RYR3: variants seen among roughly 807,000 people sequenced by gnomAD.
The protein encoded by RYR3 is ryanodine receptor 3.
Under a neutral mutation model 584.3 loss-of-function variants are expected in RYR3, and 207 were observed. That is an observed-to-expected ratio of 0.35 (90% CI 0.32 to 0.40). The LOEUF (loss-of-function observed/expected upper bound fraction) is 0.40. Among genes scored for constraint, RYR3 ranks in the 10% least tolerant of loss-of-function variants. The probability of loss-of-function intolerance (pLI) is 1.00; values close to 1 mark genes in which losing one functional copy is unlikely to be tolerated. For synonymous variants in RYR3, 2,416 were observed against 2,248.5 expected (o/e 1.07, Z -2.11); for missense variants, 5,616 against 6,089.2 (o/e 0.92, Z 2.59).
At chr15:33,337,362 A>T (rs1045531958) in intron 1 of RYR3, among the ~76,000 whole-genome samples, 4 of 152,310 alleles carry the variant, frequency 2.6e-5, no homozygotes, top group South Asian at 4.1e-4. Flanking sequence ...TTCTCCAGAA[A>T]CACAGAGCCT....
At chr15:33,325,627 T>C (rs894964113) in intron 1 of RYR3, among the ~76,000 whole-genome samples, 1 of 151,988 alleles carries the variant, frequency 6.6e-6, no homozygotes, top group Non-Finnish European at 1.5e-5. Flanking sequence ...TCTTTCCTTT[T>C]CTTTTCTTTT....
intron 94 of RYR3, 124 bp downstream of exon 94, chr15:33,848,545 C>T: frequency 9.0e-7 from 1 of 1,109,578 alleles, no homozygotes. Context: ...GGACTTTTCT[C>T]CCTTGCCTCT....
intron 67 of RYR3, among the ~76,000 whole-genome samples, chr15:33,789,624 T>TTTTATATATATA (rs1258454158): frequency 5.1e-4 from 6 of 11,692 alleles, no homozygotes; most frequent in African/African-American, 1.3e-3. Flanking sequence ...AGGTTTTATT[T>TTTTATATATATA]TATATATATA....
intron 2 of RYR3, among the ~76,000 whole-genome samples, chr15:33,498,497 C>T (rs538110870): frequency 6.6e-6 from 1 of 152,088 alleles, no homozygotes; most frequent in African/African-American, 2.4e-5. Flanking sequence ...TTTATTCAGA[C>T]CATGTGCTCA....
At chr15:33,646,992 G>A (rs918803506) in intron 29 of RYR3, among the ~76,000 whole-genome samples, 1 of 152,174 alleles carries the variant, frequency 6.6e-6, no homozygotes, top group Admixed American at 6.5e-5. Context: ...CATATCCCTT[G>A]CTGTCTTTCT....
intron 1 of RYR3, among the ~76,000 whole-genome samples, chr15:33,381,089 T>G (rs1447208416): frequency 6.6e-6 from 1 of 152,196 alleles, no homozygotes; most frequent in African/African-American, 2.4e-5. Flanking sequence ...ACCTCTACTT[T>G]GAAAGCGTTC....
At chr15:33,502,658 A>T (rs745544769) in intron 2 of RYR3, among the ~76,000 whole-genome samples, 5 of 152,222 alleles carry the variant, frequency 3.3e-5, no homozygotes, top group Non-Finnish European at 7.3e-5. Context: ...ATATTTGAAT[A>T]TTTGCTGATC....
At chr15:33,423,680 G>A (rs887608133) in intron 1 of RYR3, among the ~76,000 whole-genome samples, 6 of 151,720 alleles carry the variant, frequency 4.0e-5, no homozygotes, top group African/African-American at 1.5e-4. Context: ...TATTGTCATA[G>A]CCATCCTAGT....
intron 1 of RYR3, among the ~76,000 whole-genome samples, chr15:33,454,413 T>C (rs2047376059): frequency 6.6e-6 from 1 of 152,182 alleles, no homozygotes; most frequent in Non-Finnish European, 1.5e-5. Context: ...GTGAGTATAT[T>C]GGCGGTAACA....
intron 67 of RYR3, among the ~76,000 whole-genome samples, chr15:33,798,159 G>A (rs2075730537): frequency 6.6e-6 from 1 of 152,052 alleles, no homozygotes; most frequent in African/African-American, 2.4e-5. Flanking sequence ...CAATCTCGGT[G>A]CTCACTGCAA....
chr15:33,529,605 C>T (rs1314569208), intron 3 of RYR3, among the ~76,000 whole-genome samples: 1 of 152,098 alleles, frequency 6.6e-6, no homozygotes. Flanking sequence ...GCTTTAGATT[C>T]TCTTTCTGTG....
At chr15:33,388,583 G>C (rs181729575) in intron 1 of RYR3, among the ~76,000 whole-genome samples, 2 of 152,206 alleles carry the variant, frequency 1.3e-5, no homozygotes, top group Admixed American at 6.5e-5. Context: ...ACAAGGACAA[G>C]TATAAATCCC....
chr15:33,688,658 A>G (rs1176316076), intron 38 of RYR3, among the ~76,000 whole-genome samples: 1 of 152,204 alleles, frequency 6.6e-6, no homozygotes, highest in Non-Finnish European at 1.5e-5. Flanking sequence ...AGAAATGCAA[A>G]TCAAAACCAC....
intron 10 of RYR3, among the ~76,000 whole-genome samples, chr15:33,556,065 T>C (rs1437987317): frequency 6.6e-6 from 1 of 152,194 alleles, no homozygotes; most frequent in African/African-American, 2.4e-5. Context: ...CAGGAGTTTC[T>C]TGAAGGCTCA....
At chr15:33,473,383 C>G in intron 1 of RYR3, 36 bp from the exon 2 acceptor site, 1 of 1,613,058 alleles carries the variant, frequency 6.2e-7, no homozygotes, top group Non-Finnish European at 8.5e-7. Flanking sequence ...TCAGCAGTTC[C>G]CCTTACTCAT....
chr15:33,658,968 G>C (rs547695037), intron 32 of RYR3, among the ~76,000 whole-genome samples: 11 of 152,330 alleles, frequency 7.2e-5, no homozygotes, highest in Non-Finnish European at 1.2e-4. Context: ...GTGTCCTTTT[G>C]TTATTCCAGT....
chr15:33,522,456 TCAATGGCTCAGG>T (rs2054071188), intron 3 of RYR3, among the ~76,000 whole-genome samples: 1 of 152,156 alleles, frequency 6.6e-6, no homozygotes, highest in African/African-American at 2.4e-5. Context: ...TTCCCTGAAG[TCAATGGCTCAGG>T]CACCTCTGAC....
chr15:33,511,459 AG>A (rs1293577598), intron 3 of RYR3, among the ~76,000 whole-genome samples: 1 of 151,888 alleles, frequency 6.6e-6, no homozygotes, highest in Admixed American at 6.6e-5. Context: ...TTGCTAGCTC[AG>A]TGATCTCTCG....
intron 43 of RYR3, among the ~76,000 whole-genome samples, chr15:33,713,708 C>A (rs1464402053): frequency 6.6e-6 from 1 of 152,176 alleles, no homozygotes; most frequent in Non-Finnish European, 1.5e-5. Flanking sequence ...GTAAATTTAT[C>A]TCTTACACTT....
Sources: allele counts gnomAD v4.1 joint callset (sites outside exome capture counted in the v4.1 genomes callset), GRCh38; gene constraint gnomAD v4.1.1; transcripts MANE v1.5; gene names NCBI Gene and HGNC (gene_info 2026-07-23, HGNC 2026-07-21).